The following TNS3 variants were observed in gnomAD, a reference collection of about 807,000 sequenced individuals.
TNS3 encodes tensin-3.
A neutral mutation model predicts 140.9 loss-of-function variants in TNS3; 45 were observed. The ratio of observed to expected loss-of-function variants is 0.32; its 90% confidence interval spans 0.25 to 0.41. The LOEUF is 0.41. TNS3 is among the 10% of genes least tolerant of loss of function. The pLI is 1.00. For missense variants in TNS3, 1,716 were observed against 1,906.7 expected (o/e 0.90, Z 1.86); for synonymous variants, 815 against 788.4 (o/e 1.03, Z -0.56).
intron 3 of TNS3, among the ~76,000 whole-genome samples, chr7:47,489,210 G>C (rs945278785): frequency 6.6e-6 from 1 of 152,270 alleles, no homozygotes; most frequent in Admixed American, 6.5e-5. Context: ...GCTGAGAACC[G>C]GGACAGGAGC....
intron 4 of TNS3, among the ~76,000 whole-genome samples, chr7:47,465,526 C>T (rs1431579860): frequency 6.6e-6 from 1 of 152,112 alleles, no homozygotes; most frequent in African/African-American, 2.4e-5. Context: ...CCAACTTGTC[C>T]CCAAATCAAC....
In TNS3 at chr7:47,529,113, T is replaced by C; in HGVS notation, c.-230A>G. ...TTTGGATTTTTTAAAGGCCTTGTTC[T>C]TAAAAGCGTGCAGACTCGAGGTTAA... On this transcript the variant is annotated 5_prime_UTR_variant, in exon 2 of 31. Coordinates refer to ENST00000311160, the MANE Select transcript of TNS3 (RefSeq NM_022748.12). The C allele has an allele frequency of 7.8e-7, 1 of 1,288,490 alleles. No individual in the cohort carries two copies. The highest frequency in any genetic ancestry group is 1.0e-6 in the Non-Finnish European group (1 of 988,530). The allele number at this position is 1,288,490 out of a possible 1,614,324, so 79.8% of individuals were successfully genotyped here. A position where few individuals can be genotyped will look rare whatever the true frequency, so the allele number is the denominator to read the frequency against.
chr7:47,336,188 T>C (rs908664015), intron 20 of TNS3, among the ~76,000 whole-genome samples: 1 of 138,262 alleles, frequency 7.2e-6, no homozygotes, highest in African/African-American at 3.0e-5. Context: ...CCAAGCAGAG[T>C]TAAAAAAAAA....
At chr7:47,402,965 C>T (rs1261287275) in intron 13 of TNS3, among the ~76,000 whole-genome samples, 1 of 152,230 alleles carries the variant, frequency 6.6e-6, no homozygotes, top group Non-Finnish European at 1.5e-5. Context: ...AGTCAGGAAA[C>T]TCCTCAGGAG....
At chr7:47,481,569 C>T (rs1325609864) in intron 3 of TNS3, 6 of 746,420 alleles carry the variant, frequency 8.0e-6, no homozygotes, top group Admixed American at 6.2e-5. Flanking sequence ...CACCCAGGGG[C>T]ATGCATTCTC....
chr7:47,348,831 A>G (rs1472726912), intron 17 of TNS3, among the ~76,000 whole-genome samples: 2 of 152,206 alleles, frequency 1.3e-5, no homozygotes, highest in East Asian at 3.8e-4. Context: ...TTAGCTGACA[A>G]CAGCCAGCAC....
intron 23 of TNS3, among the ~76,000 whole-genome samples, chr7:47,297,610 G>A (rs1050473396): frequency 9.2e-5 from 14 of 152,106 alleles, no homozygotes; most frequent in African/African-American, 2.7e-4. Flanking sequence ...CAAGGCTCAC[G>A]CTGAGTAAGA....
chr7:47,537,175 C>CGGATATCTGGGG (rs1275876861), intron 1 of TNS3, among the ~76,000 whole-genome samples: 2 of 152,018 alleles, frequency 1.3e-5, no homozygotes, highest in Non-Finnish European at 2.9e-5. Context: ...CCCTCCCCAG[C>CGGATATCTGGGG]GGCTATCTGG....
intron 16 of TNS3, among the ~76,000 whole-genome samples, chr7:47,396,360 A>G (rs927667618): frequency 6.6e-6 from 1 of 152,236 alleles, no homozygotes; most frequent in Non-Finnish European, 1.5e-5. Context: ...ATAAATCAGG[A>G]ACACTAGACT....
chr7:47,564,045 AT>A (rs1351983638), intron 1 of TNS3, among the ~76,000 whole-genome samples: 8 of 145,346 alleles, frequency 5.5e-5, no homozygotes, highest in Admixed American at 1.4e-4. Flanking sequence ...TACAAAAAAA[AT>A]TAGCTGGCAT....
chr7:47,506,524 A>C (rs1798422689), intron 3 of TNS3, among the ~76,000 whole-genome samples: 1 of 151,784 alleles, frequency 6.6e-6, no homozygotes, highest in Non-Finnish European at 1.5e-5. Flanking sequence ...CTCCAAAATG[A>C]GGCAGAAAAG....
chr7:47,324,817 G>GA (rs1787939199), intron 20 of TNS3, among the ~76,000 whole-genome samples: 2 of 152,120 alleles, frequency 1.3e-5, no homozygotes. Flanking sequence ...GAAAAACTTT[G>GA]AAAAATGTCC....
Position 47,369,641 on chromosome 7 carries a change from A to AG in TNS3, c.1025-21dup. ...GTAGCACTGCGGGGGAGAAAACCGG[A>AG]GAGAGGCTTTCAGTCAGGGATGAAA... is the stretch of plus-strand genomic sequence containing the variant. On this transcript the variant is annotated intron_variant, in intron 16 of 30. Coordinates refer to ENST00000311160, the MANE Select transcript of TNS3 (RefSeq NM_022748.12). 1 of 1,532,900 alleles carries AG rather than the reference A, an allele frequency of 6.5e-7. No individual in the cohort carries two copies. Among genetic ancestry groups the AG allele is most frequent in the Non-Finnish European group, 8.8e-7 (1 of 1,141,360 alleles). The allele number at this position is 1,532,900 out of a possible 1,614,324, so 95.0% of individuals were successfully genotyped here.
rs149274339 is a variant in TNS3 at position 47,364,262 on chromosome 7, C to T, written c.2281+4103G>A. Reference sequence around the variant, plus strand: ...GCTTAGCTGCAGTGCCTGAGAGCTACAGAAGTAAGCAATAATTTTTTTTTT... The same window carrying T: ...GCTTAGCTGCAGTGCCTGAGAGCTATAGAAGTAAGCAATAATTTTTTTTTT... On this transcript the variant is annotated intron_variant, in intron 17 of 30. Transcript: ENST00000311160. Among the ~76,000 whole-genome samples the T allele has an allele frequency of 1.8e-3, 275 of 149,756 alleles. 1 individual carries two copies. The highest frequency in any genetic ancestry group is 6.0e-3 in the African/African-American group (243 of 40,556).
chr7:47,297,027 A>G, intron 24 of TNS3, 55 bp downstream of exon 24: 3 of 1,574,880 alleles, frequency 1.9e-6, no homozygotes, highest in Non-Finnish European at 2.6e-6. Context: ...AAAATAAACC[A>G]ACAGAGTTTC....
chr7:47,487,406 C>T (rs1797652754), intron 3 of TNS3, among the ~76,000 whole-genome samples: 2 of 152,212 alleles, frequency 1.3e-5, no homozygotes, highest in African/African-American at 4.8e-5. Context: ...TCGTTTCTTC[C>T]TGCTTGTTCT....
rs570749688 is a variant in TNS3 at position 47,570,762 on chromosome 7, C to A, written c.-265+11289G>T. ...AATGGAGGCTCTGAGTGATGTCACA[C>A]CTTGGCAAGTACACGTAGCTAACTC... On this transcript the variant is annotated intron_variant, in intron 1 of 30. Coordinates refer to ENST00000311160, the MANE Select transcript of TNS3 (RefSeq NM_022748.12). Among the ~76,000 whole-genome samples the A allele has an allele frequency of 3.3e-5, 5 of 152,328 alleles. No individual in the cohort carries two copies. In the South Asian group the frequency reaches 1.0e-3, roughly 32 times the overall value.
chr7:47,369,450 G>A lies in TNS3; in HGVS notation c.1196C>T (p.Ser399Phe). The A allele has an allele frequency of 9.3e-6, 15 of 1,614,196 alleles. No homozygotes were observed. Among genetic ancestry groups the A allele is most frequent in the Non-Finnish European group, 1.2e-5 (14 of 1,180,042 alleles). ...VSSDSGHSTA[S>F]ARTDKTEERL... The stretch of plus-strand genomic sequence containing the variant: ...CTCTTCCGTCTTATCCGTCCTGGCA[G>A]AGGCTGTAGAGTGGCCGGAGTCACT... The change falls in exon 17 of 31, where the codon TCT (serine) becomes TTT (phenylalanine). Residue 399 changes from serine to phenylalanine, a missense_variant. Transcript: ENST00000311160.
chr7:47,529,527 C>A (rs1799318540), intron 1 of TNS3, among the ~76,000 whole-genome samples: 1 of 152,258 alleles, frequency 6.6e-6, no homozygotes, highest in South Asian at 2.1e-4. Flanking sequence ...AGACTCTCAA[C>A]CCTTTTTCTT....
Sources: gnomAD v4.1 joint callset for allele counts (sites outside exome capture counted in the v4.1 genomes callset) on GRCh38, gnomAD v4.1.1 for gene constraint, MANE v1.5 for transcripts, NCBI Gene and HGNC (gene_info 2026-07-23, HGNC 2026-07-21) for gene names.